TBC1D1: variants seen among roughly 807,000 people sequenced by gnomAD.
TBC1D1 encodes TBC1 (tre-2/USP6, BUB2, cdc16) domain family, member 1.
TBC1D1 carries 89 observed loss-of-function variants against 125.6 expected under a neutral mutation model. The ratio of observed to expected loss-of-function variants is 0.71; its 90% CI spans 0.60 to 0.85. The LOEUF is 0.85. Ranked by LOEUF, TBC1D1 falls within the 40% of genes least tolerant of loss-of-function variation. TBC1D1 has a pLI of 0.00. For synonymous variants in TBC1D1, 565 were observed against 564.1 expected (o/e 1.00, Z -0.02); for missense variants, 1,377 against 1,469.2 (o/e 0.94, Z 1.03).
chr4:38,064,826 C>T (rs6843691), intron 12 of TBC1D1, among the ~76,000 whole-genome samples: 57,640 of 151,302 alleles, frequency 0.38, 11,403 homozygotes, highest in East Asian at 0.63. Flanking sequence ...GGTTTCACCA[C>T]GTTGACCAGG....
chr4:38,099,637 T>G (rs1300065960), intron 14 of TBC1D1, among the ~76,000 whole-genome samples: 1 of 152,218 alleles, frequency 6.6e-6, no homozygotes, highest in Non-Finnish European at 1.5e-5. Context: ...TATATTATTT[T>G]TTAAGTGAGT....
At chr4:38,029,368 CTCTT>C (rs1052228064) in intron 7 of TBC1D1, among the ~76,000 whole-genome samples, 6 of 152,094 alleles carry the variant, frequency 3.9e-5, no homozygotes, top group African/African-American at 1.4e-4. Flanking sequence ...GTCTCTCTCT[CTCTT>C]TGTTGTTTTT....
At chr4:38,005,691 A>G (rs1740006245) in intron 2 of TBC1D1, among the ~76,000 whole-genome samples, 1 of 152,210 alleles carries the variant, frequency 6.6e-6, no homozygotes, top group African/African-American at 2.4e-5. Flanking sequence ...AGATCTGGCT[A>G]AAACCCAAAA....
intron 2 of TBC1D1, among the ~76,000 whole-genome samples, chr4:37,933,841 A>G (rs1723827185): frequency 6.6e-6 from 1 of 152,190 alleles, no homozygotes; most frequent in Non-Finnish European, 1.5e-5. Flanking sequence ...GGCTTAAGCC[A>G]AGGAAAGTGG....
In TBC1D1 at chr4:37,891,089, C is replaced by T. The variant is rs1185072770; in HGVS notation, c.-353C>T. The T allele has an allele frequency of 6.1e-6, 1 of 162,690 alleles. No homozygotes were observed. Among genetic ancestry groups the T allele is most frequent in the Non-Finnish European group, 1.3e-5 (1 of 76,278 alleles). The allele number at this position is 162,690 out of a possible 1,614,324, so 10.1% of individuals were successfully genotyped here. The stretch of plus-strand genomic sequence containing the variant: ...TCTTCCTCCTCCTCCTCCTCCTCCT[C>T]TTCGGCTGCTGCTCCTGGTGCCGCC... On this transcript the variant is annotated 5_prime_UTR_variant, in exon 1 of 20. Transcript: ENST00000261439.
chr4:37,940,972 G>T (rs968329426), intron 2 of TBC1D1, among the ~76,000 whole-genome samples: 5 of 152,108 alleles, frequency 3.3e-5, no homozygotes, highest in African/African-American at 1.2e-4. Flanking sequence ...CAGGGATATT[G>T]GTTTATAATT....
At chr4:38,135,854 ATGTGTGTGTGTATATATATGTG>A (rs1766430307) in intron 19 of TBC1D1, among the ~76,000 whole-genome samples, 3 of 69,062 alleles carry the variant, frequency 4.3e-5, no homozygotes, top group African/African-American at 4.5e-5. Context: ...ATATATATAT[ATGTGTGTGTGTATATATATGTG>A]TGTGTGTGTG....
chr4:38,093,151 T>TC (rs1758710127), intron 13 of TBC1D1, among the ~76,000 whole-genome samples: 1 of 152,152 alleles, frequency 6.6e-6, no homozygotes, highest in East Asian at 1.9e-4. Flanking sequence ...TCCTTTTTTT[T>TC]CTCCCTTCTT....
In TBC1D1 at chr4:38,131,757, T is replaced by C. The variant is rs544464877; in HGVS notation, c.3133-1327T>C. ...ATGGAGATAATAATCCCTGCTGACC[T>C]CACGGTCGCTCTGAAGGACAAAAGA... On this transcript the variant is annotated intron_variant, in intron 18 of 19. Transcript: ENST00000261439. 4.6e-5 allele frequency among the ~76,000 whole-genome samples: 7 copies of C among 152,354 alleles called. No individual in the cohort carries two copies. The South Asian group carries it at 1.4e-3, about 32-fold the overall frequency.
At chr4:37,908,354 C>T (rs1314978253) in intron 2 of TBC1D1, among the ~76,000 whole-genome samples, 1 of 151,994 alleles carries the variant, frequency 6.6e-6, no homozygotes, top group Non-Finnish European at 1.5e-5. Flanking sequence ...TACAGGCGCC[C>T]GCCACCACTC....
chr4:38,082,595 C>A (rs1474786343), intron 12 of TBC1D1, among the ~76,000 whole-genome samples: 1 of 152,222 alleles, frequency 6.6e-6, no homozygotes, highest in Non-Finnish European at 1.5e-5. Flanking sequence ...TCTTTCCAAG[C>A]ATAATTTTCT....
chr4:38,102,183 C>T (rs951370078), intron 14 of TBC1D1, among the ~76,000 whole-genome samples: 8 of 151,766 alleles, frequency 5.3e-5, no homozygotes, highest in Non-Finnish European at 7.4e-5. Context: ...ACATGGCACA[C>T]TTATACATAT....
At position 37,994,621 on chromosome 4, in the gene TBC1D1, T is replaced by C. The variant is rs190251110; in HGVS notation, c.418-19888T>C. On this transcript the variant is annotated intron_variant, in intron 2 of 19. Coordinates refer to ENST00000261439, the MANE Select transcript of TBC1D1 (RefSeq NM_015173.4). Reference sequence around the variant, plus strand: ...AGATTTCTACCCAAGCCAAAGGCATTTTTGTCTTCTTCCCCCAGCCTCTGT... The same window carrying C: ...AGATTTCTACCCAAGCCAAAGGCATCTTTGTCTTCTTCCCCCAGCCTCTGT... Among the ~76,000 whole-genome samples, 8 of 143,784 alleles carry C rather than the reference T, an allele frequency of 5.6e-5. No individual in the cohort carries two copies. The East Asian group carries it at 1.7e-3, about 31-fold the overall frequency. 94.3% of individuals were successfully genotyped at this position (143,784 alleles called of 152,430 possible). A position where few individuals can be genotyped will look rare whatever the true frequency, so the allele number is the denominator to read the frequency against.
At chr4:37,902,859 T>C (rs1716380721) in intron 2 of TBC1D1, among the ~76,000 whole-genome samples, 1 of 152,236 alleles carries the variant, frequency 6.6e-6, no homozygotes, top group African/African-American at 2.4e-5. Flanking sequence ...CTGGGGATCT[T>C]GTTAAAATGT....
intron 3 of TBC1D1, among the ~76,000 whole-genome samples, 167 bp from the exon 4 acceptor site, chr4:38,018,187 G>A (rs1743225798): frequency 6.6e-6 from 1 of 152,172 alleles, no homozygotes; most frequent in Non-Finnish European, 1.5e-5. Context: ...GGCACTAATA[G>A]ATGTGTCTTA....
At chr4:38,017,178 G>C (rs1376129689) in intron 3 of TBC1D1, among the ~76,000 whole-genome samples, 3 of 152,112 alleles carry the variant, frequency 2.0e-5, no homozygotes, top group Non-Finnish European at 4.4e-5. Flanking sequence ...ATTTTCAAAG[G>C]TTATTTTTAA....
chr4:37,997,968 T>C (rs1396692723), intron 2 of TBC1D1, among the ~76,000 whole-genome samples: 1 of 152,186 alleles, frequency 6.6e-6, no homozygotes, highest in Non-Finnish European at 1.5e-5. Context: ...AGTTGTAATC[T>C]GTATTCGGAT....
chr4:38,002,293 C>T (rs1011351753), intron 2 of TBC1D1, among the ~76,000 whole-genome samples: 16 of 152,284 alleles, frequency 1.1e-4, no homozygotes, highest in Non-Finnish European at 7.4e-5. Flanking sequence ...CTAAGCAGTT[C>T]CCATCCAAAA....
intron 15 of TBC1D1, chr4:38,110,847 C>A: frequency 1.0e-6 from 1 of 983,620 alleles, no homozygotes; most frequent in Non-Finnish European, 1.2e-6. Flanking sequence ...TTAGCTTTCC[C>A]TGAGCTGGTG....
Sources: gnomAD v4.1 joint callset for allele counts (sites outside exome capture counted in the v4.1 genomes callset) on GRCh38, gnomAD v4.1.1 for gene constraint, MANE v1.5 for transcripts, NCBI Gene and HGNC (gene_info 2026-07-23, HGNC 2026-07-21) for gene names.